POM121: variants seen among roughly 807,000 people sequenced by gnomAD.
POM121 encodes the protein POM121 transmembrane nucleoporin.
POM121 carries 32 observed loss-of-function variants against 81.3 expected under a neutral mutation model. That is an observed-to-expected ratio of 0.39 (90% CI 0.30 to 0.53). The LOEUF (loss-of-function observed/expected upper bound fraction) is 0.53. POM121 is among the 20% of genes least tolerant of loss of function. The pLI is 0.66. For missense variants in POM121, 1,138 were observed against 1,614.6 expected (o/e 0.70, Z 5.06); for synonymous variants, 514 against 694.2 (o/e 0.74, Z 4.08).
intron 1 of POM121, among the ~76,000 whole-genome samples, chr7:72,889,352 G>A (rs193147131): frequency 2.2e-4 from 34 of 152,252 alleles, no homozygotes; most frequent in African/African-American, 7.0e-4. Context: ...TTGTTGATAT[G>A]TTCTTTATAA....
intron 1 of POM121, among the ~76,000 whole-genome samples, chr7:72,889,167 A>G (rs1394120305): frequency 6.6e-6 from 1 of 152,174 alleles, no homozygotes; most frequent in Non-Finnish European, 1.5e-5. Context: ...TTTCTGGACT[A>G]ACTTAACCCA....
chr7:72,891,151 C>A lies in POM121; in HGVS notation c.-216+41C>A, dbSNP rs1428165586. 3.0e-4 allele frequency: 224 copies of A among 746,492 alleles called. 1 individual carries two copies. The highest frequency in any genetic ancestry group is 1.8e-3 in the Middle Eastern group (7 of 3,890). The allele number at this position is 746,492 out of a possible 1,614,324, so 46.2% of individuals were successfully genotyped here. A position where few individuals can be genotyped will look rare whatever the true frequency, so the allele number is the denominator to read the frequency against. On this transcript the variant is annotated intron_variant, in intron 3 of 15. Transcript: ENST00000395270. ...ATCAAATGTTAAAAAATGCTCATCC[C>A]AGACCTTTGGGAGTGACTAAAGAGT...
At chr7:72,950,070 A>G (rs1233483550), downstream of POM121, 6 of 1,574,814 alleles carry the variant, frequency 3.8e-6, no homozygotes, top group Non-Finnish European at 5.2e-6. Flanking sequence ...TGTCCTGCAG[A>G]ATGAGGTGTC....
chr7:72,896,923 A>T (rs1342693471), intron 3 of POM121, among the ~76,000 whole-genome samples: 10 of 152,406 alleles, frequency 6.6e-5, no homozygotes, highest in Non-Finnish European at 1.3e-4. Flanking sequence ...GATGGACACT[A>T]AAATATATGT....
intron 11 of POM121, among the ~76,000 whole-genome samples, chr7:72,943,801 G>A (rs1344447018): frequency 2.6e-5 from 4 of 152,206 alleles, no homozygotes; most frequent in Non-Finnish European, 4.4e-5. Context: ...ATTTTGGGAG[G>A]CCAAGGAGGG....
intron 5 of POM121, among the ~76,000 whole-genome samples, chr7:72,933,681 T>C (rs1796240818): frequency 6.6e-6 from 1 of 152,208 alleles, no homozygotes; most frequent in Admixed American, 6.5e-5. Context: ...ACATAAGAGA[T>C]ACATGCACCC....
At chr7:72,935,939 C>T (rs1796468716) in intron 5 of POM121, among the ~76,000 whole-genome samples, 1 of 152,008 alleles carries the variant, frequency 6.6e-6, no homozygotes, top group Non-Finnish European at 1.5e-5. Context: ...TACATACACT[C>T]AGGTCTATGA....
At chr7:72,945,193 C>T (rs1475814050) in intron 11 of POM121, among the ~76,000 whole-genome samples, 39 of 152,188 alleles carry the variant, frequency 2.6e-4, no homozygotes, top group African/African-American at 5.5e-4. Flanking sequence ...AGACGCGGGA[C>T]GGACAAACCA....
rs1490692907 is a variant in POM121 at position 72,927,942 on chromosome 7, A to G, written c.1023-443A>G. 3.3e-5 allele frequency among the ~76,000 whole-genome samples: 5 copies of G among 152,130 alleles called. No individual in the cohort carries two copies. In the East Asian group the frequency reaches 9.6e-4, roughly 29 times the overall value. ...TTTATAAGGCTGGGTGTGGTGCTGCACGCTTGTACTCCTAACACTTTGACA... is the reference window on the plus strand; with the variant it reads ...TTTATAAGGCTGGGTGTGGTGCTGCGCGCTTGTACTCCTAACACTTTGACA... On this transcript the variant is annotated intron_variant, in intron 3 of 12. Coordinates refer to ENST00000434423, the MANE Select transcript of POM121 (RefSeq NM_001387691.1).
chr7:72,893,225 C>T (rs530463712), intron 3 of POM121, among the ~76,000 whole-genome samples: 10 of 152,028 alleles, frequency 6.6e-5, no homozygotes, highest in African/African-American at 2.4e-4. Context: ...TTCCAAAGTG[C>T]TGGGATTACA....
chr7:72,942,335 C>G lies in POM121; in HGVS notation c.2342C>G (p.Pro781Arg), dbSNP rs1171960365. Residue 781 changes from proline to arginine, a missense_variant, in exon 11 of 13, where the codon CCT becomes CGT. Around this residue, in one of 7 missense-constraint regions of POM121, gnomAD observed 25 missense variants for 229.8 expected, o/e 0.11. Transcript: ENST00000434423. ...CCTGTCTTTAGCAGCATGGGGCCAC[C>G]TGCATCTGTGCCCTTGCCTGCTCCC... ...FQPVFSSMGP[P>R]ASVPLPAPFF... The G allele has an allele frequency of 6.3e-7, 1 of 1,599,074 alleles. No homozygotes were observed. Among genetic ancestry groups the G allele is most frequent in the Non-Finnish European group, 8.5e-7 (1 of 1,177,630 alleles).
intron 1 of POM121, among the ~76,000 whole-genome samples, chr7:72,883,291 G>A (rs1270465769): frequency 7.2e-5 from 11 of 152,132 alleles, no homozygotes; most frequent in African/African-American, 2.2e-4. Flanking sequence ...CCGCCTCGGC[G>A]TCCCAAAGTG....
At chr7:72,920,771 G>A (rs372606780), upstream of POM121, among the ~76,000 whole-genome samples, 17 of 152,198 alleles carry the variant, frequency 1.1e-4, no homozygotes, top group African/African-American at 2.9e-4. Flanking sequence ...GTCCAGAGCA[G>A]TGCTCAATCT....
chr7:72,907,604 T>C (rs377710242), intron 3 of POM121, among the ~76,000 whole-genome samples: 12 of 151,906 alleles, frequency 7.9e-5, no homozygotes, highest in African/African-American at 2.4e-4. Context: ...TCCACCTCCC[T>C]GGTTCAAGTG....
chr7:72,943,063 A>C lies in POM121; in HGVS notation c.3070A>C (p.Thr1024Pro), dbSNP rs1797276892. The C allele has an allele frequency of 2.5e-6, 4 of 1,613,850 alleles. No individual in the cohort carries two copies. Among genetic ancestry groups the C allele is most frequent in the Non-Finnish European group, 3.4e-6 (4 of 1,179,860 alleles). The stretch of plus-strand genomic sequence containing the variant: ...CAAGGTCGTGCCTGCGTACGTGCCT[A>C]CGCCCATCCATCCTATCTTTGGCGG... ...MIKVVPAYVP[T>P]PIHPIFGGAT... Residue 1024 changes from threonine to proline, a missense_variant, in exon 11 of 13, where the codon ACG (threonine) becomes CCG (proline). Around this residue, in one of 7 missense-constraint regions of POM121, gnomAD observed 336 missense variants for 344.3 expected, o/e 0.98. Transcript: ENST00000434423.
rs1329437778 is a variant in POM121 at position 72,880,438 on chromosome 7, A to G, written c.-521+553A>G. On this transcript the variant is annotated intron_variant, in intron 1 of 15. Coordinates refer to the POM121 transcript ENST00000395270. ...GCCAGTGTTCTTTCTCCCGTATCCT[A>G]GTTTTCTTAATAGAAGATTATTAGG... Among the ~76,000 whole-genome samples, 9 of 152,238 alleles carry G rather than the reference A, an allele frequency of 5.9e-5. 1 individual carries two copies. Among genetic ancestry groups the G allele is most frequent in the African/African-American group, 1.9e-4 (8 of 41,522 alleles).
chr7:72,914,917 C>A lies in POM121; in HGVS notation c.-152+1089C>A, dbSNP rs6942959. 9.4e-3 allele frequency among the ~76,000 whole-genome samples: 1,434 copies of A among 152,216 alleles called. 23 individuals are homozygous for A. Among genetic ancestry groups the A allele is most frequent in the African/African-American group, 0.032 (1,324 of 41,532 alleles). ...CCTCTCCAGGAATCTCCTCTCCCTC[C>A]CCACCCTGACCCACCTGTTGGTGAG... On this transcript the variant is annotated intron_variant, in intron 4 of 15. Transcript: ENST00000395270.
chr7:72,925,386 C>T lies in POM121; in HGVS notation c.265C>T (p.Arg89Trp), dbSNP rs1211654813. 1 of 1,522,182 alleles carries T rather than the reference C, an allele frequency of 6.6e-7. No individual in the cohort carries two copies. Among genetic ancestry groups the T allele is most frequent in the Non-Finnish European group, 8.8e-7 (1 of 1,136,566 alleles). 94.3% of individuals were successfully genotyped at this position (1,522,182 alleles called of 1,614,324 possible). A position where few individuals can be genotyped will look rare whatever the true frequency, so the allele number is the denominator to read the frequency against. The change falls in exon 1 of 13, where the codon CGG (arginine) becomes TGG (tryptophan). Residue 89 changes from arginine (R) to tryptophan (W), a missense_variant. Coordinates refer to ENST00000434423, the MANE Select transcript of POM121 (RefSeq NM_001387691.1). ...LSSFVRKARH[R>W]RPLSSFVRKA... ...CTCCTTCGTTCGGAAGGCGCGTCAT[C>T]GGCGCCCCTTGTCCTCCTTCGTTCG...
In POM121 at chr7:72,943,413, C is replaced by T. The variant is rs1554502416; in HGVS notation, c.3420C>T (p.Ser1140=). The T allele has an allele frequency of 6.2e-7, 1 of 1,613,114 alleles. No homozygotes were observed. Among genetic ancestry groups the T allele is most frequent in the Admixed American group, 1.7e-5 (1 of 59,950 alleles). ...GACAGAGTGGGAGCACAGCCACCTC[C>T]ACCCCCTTCGCAGGGGGCTTAGGTC... The part of the protein sequence containing the change: ...GAGQSGSTAT[S]TPFAGGLGQN... Residue 1140 remains serine (S), a synonymous_variant, in exon 11 of 13, where the codon TCC becomes TCT. Transcript: ENST00000434423.
Sources: gnomAD v4.1 joint callset for allele counts (sites outside exome capture counted in the v4.1 genomes callset) on GRCh38, gnomAD v4.1.1 for gene constraint, gnomAD v4.1.1 regional missense constraint, MANE v1.5 for transcripts, NCBI Gene and HGNC (gene_info 2026-07-23, HGNC 2026-07-21) for gene names.